The following AP4E1 variants were observed in gnomAD, a reference collection of about 807,000 sequenced individuals.
The protein encoded by AP4E1 is AP-4 complex subunit epsilon-1.
AP4E1 carries 56 observed loss-of-function variants against 128.2 expected under a neutral mutation model. The observed-to-expected ratio is 0.44, with a 90% CI of 0.35 to 0.55. The LOEUF is 0.55. Ranked by LOEUF, AP4E1 falls within the 20% of genes least tolerant of loss-of-function variation. AP4E1 has a pLI of 0.00. For missense variants in AP4E1, 1,324 were observed against 1,307.7 expected (o/e 1.01, Z -0.19); for synonymous variants, 484 against 473.1 (o/e 1.02, Z -0.30).
Position 50,997,781 on chromosome 15 carries a change from T to C in AP4E1, c.2802T>C (p.Ile934=). The C allele has an allele frequency of 6.2e-7, 1 of 1,610,142 alleles. No individual in the cohort carries two copies. Among genetic ancestry groups the C allele is most frequent in the African/African-American group, 1.3e-5 (1 of 74,804 alleles). ...CTATATCAGTGTCTTCTTATAAAATTTGGAAAGATGATTGTTTATTGATGG... is the reference window on the plus strand; with the variant it reads ...CTATATCAGTGTCTTCTTATAAAATCTGGAAAGATGATTGTTTATTGATGG... ...NETISVSSYK[I]WKDDCLLMVW... is the part of the protein sequence containing the mutation. The change falls in exon 18 of 21, where the codon ATT becomes ATC. Residue 934 remains isoleucine (I), a synonymous_variant. Transcript: ENST00000261842.
At chr15:50,948,243 C>A in intron 11 of AP4E1, 84 bp downstream of exon 11, 1 of 1,514,230 alleles carries the variant, frequency 6.6e-7, no homozygotes, top group Non-Finnish European at 9.1e-7. Flanking sequence ...TGGTCACTTG[C>A]AAGTCGAGTT....
At chr15:50,935,900 T>C (rs1355005713) in intron 8 of AP4E1, among the ~76,000 whole-genome samples, 1 of 152,222 alleles carries the variant, frequency 6.6e-6, no homozygotes, top group East Asian at 1.9e-4. Flanking sequence ...CTTTGAAGGA[T>C]AGATTTTTGT....
At chr15:50,941,940 A>G (rs1183401351) in intron 10 of AP4E1, among the ~76,000 whole-genome samples, 165 bp downstream of exon 10, 3 of 152,148 alleles carry the variant, frequency 2.0e-5, no homozygotes, top group Non-Finnish European at 4.4e-5. Context: ...ATTTTGAGAC[A>G]GAATCTCACT....
chr15:50,966,998 C>T (rs1487118219), intron 14 of AP4E1, among the ~76,000 whole-genome samples: 1 of 152,186 alleles, frequency 6.6e-6, no homozygotes, highest in East Asian at 1.9e-4. Flanking sequence ...CTGCTCTCTC[C>T]ACTTGTTTAT....
At chr15:50,929,200 GT>G in intron 6 of AP4E1, 32 bp downstream of exon 6, 1 of 1,594,968 alleles carries the variant, frequency 6.3e-7, no homozygotes, top group Non-Finnish European at 8.6e-7. Flanking sequence ...GTACTGAGTA[GT>G]TACCATTAGA....
chr15:50,996,154 A>AT (rs2064870374), intron 17 of AP4E1, among the ~76,000 whole-genome samples: 1 of 110,866 alleles, frequency 9.0e-6, no homozygotes, highest in Non-Finnish European at 1.9e-5. Flanking sequence ...ACGCCTGGCT[A>AT]ATTTTTTTTT....
At chr15:50,984,804 C>G (rs368571351) in intron 16 of AP4E1, among the ~76,000 whole-genome samples, 8 of 149,512 alleles carry the variant, frequency 5.4e-5, no homozygotes, top group South Asian at 2.1e-4. Flanking sequence ...ATGATTTATA[C>G]TCCTTTGGGT....
Position 50,929,090 on chromosome 15 carries a change from T to G in AP4E1, c.624T>G (p.Ile208Met), listed in dbSNP as rs1934098667. 6.2e-7 allele frequency: 1 copy of G among 1,613,930 alleles called. No homozygotes were observed. Among genetic ancestry groups the G allele is most frequent in the African/African-American group, 1.3e-5 (1 of 75,050 alleles). Reference sequence around the variant, plus strand: ...CTAATCAAGTACAACATATTCATATTAAGTTTCGGAAAGCACTTTGTGACA... The same window carrying G: ...CTAATCAAGTACAACATATTCATATGAAGTTTCGGAAAGCACTTTGTGACA... ...IAPNQVQHIH[I>M]KFRKALCDRD... Residue 208 changes from isoleucine to methionine, a missense_variant, in exon 6 of 21, where the codon ATT (isoleucine) becomes ATG (methionine). Transcript: ENST00000261842.
chr15:50,965,150 A>AT (rs886770841), intron 14 of AP4E1, among the ~76,000 whole-genome samples: 13 of 149,878 alleles, frequency 8.7e-5, no homozygotes, highest in East Asian at 2.0e-4. Context: ...AATGAAACCT[A>AT]TTTTTTTTTT....
chr15:50,923,708 C>T (rs1757754015), intron 3 of AP4E1, among the ~76,000 whole-genome samples: 1 of 152,058 alleles, frequency 6.6e-6, no homozygotes, highest in African/African-American at 2.4e-5. Context: ...GTGTCTATTC[C>T]GTTTCTGGAA....
chr15:50,985,988 G>A (rs1207590379), intron 16 of AP4E1, among the ~76,000 whole-genome samples: 2 of 152,072 alleles, frequency 1.3e-5, no homozygotes, highest in Non-Finnish European at 2.9e-5. Context: ...TTATTTCTTT[G>A]AGCAGTGGTT....
intron 19 of AP4E1, 90 bp downstream of exon 19, chr15:50,999,352 C>A: frequency 1.7e-6 from 2 of 1,142,906 alleles, no homozygotes; most frequent in Non-Finnish European, 2.5e-6. Flanking sequence ...ATGTTGGGTG[C>A]TAGGGAGTAT....
At chr15:50,915,681 A>G (rs1199515242) in intron 3 of AP4E1, 110 bp downstream of exon 3, 2 of 1,307,144 alleles carry the variant, frequency 1.5e-6, no homozygotes, top group Non-Finnish European at 2.2e-6. Context: ...ATACTGTATT[A>G]TAATTTCTAA....
chr15:50,993,802 C>G (rs1187039032), intron 17 of AP4E1, among the ~76,000 whole-genome samples, 177 bp downstream of exon 17: 2 of 152,186 alleles, frequency 1.3e-5, no homozygotes, highest in Non-Finnish European at 2.9e-5. Context: ...TTTTATATTC[C>G]TGAAAGAGAA....
rs1489154597 is a variant in AP4E1, at chr15:50,908,697, C to G, written c.-82C>G. On this transcript the variant is annotated 5_prime_UTR_variant, in exon 1 of 21. Coordinates refer to ENST00000261842, the MANE Select transcript of AP4E1 (RefSeq NM_007347.5). Reference sequence around the variant, plus strand: ...AAAAAACAGGAAGTGCCTACGGAGGCCGGGCCGGCAGCGGCGGCCGGGCAT... The same window carrying G: ...AAAAAACAGGAAGTGCCTACGGAGGGCGGGCCGGCAGCGGCGGCCGGGCAT... 1 of 1,379,198 alleles carries G rather than the reference C, an allele frequency of 7.3e-7. No homozygotes were observed. The highest frequency in any genetic ancestry group is 3.8e-5 in the Admixed American group (1 of 26,040). The allele number at this position is 1,379,198 out of a possible 1,614,324, so 85.4% of individuals were successfully genotyped here.
chr15:50,928,447 C>T (rs904529376), intron 5 of AP4E1, among the ~76,000 whole-genome samples: 2 of 152,062 alleles, frequency 1.3e-5, no homozygotes, highest in African/African-American at 4.8e-5. Context: ...ACCACCACAC[C>T]TGGCTAATTT....
In AP4E1 at chr15:50,997,872, G is replaced by T; in HGVS notation, c.2893G>T (p.Glu965Ter). ...TGCTGACTTAGAAATTTTTCCTGCA[G>T]AAAATTTCAAGGTAAAATTTAAAGG... ...KSADLEIFPA[E>*]NFKVTEQPGC... The change falls in exon 18 of 21, where the codon GAA (glutamate) becomes TAA (stop). Residue 965 changes from glutamate to a stop codon, truncating the protein, a stop_gained. Transcript: ENST00000261842. LOFTEE classifies it high-confidence loss of function. 1 of 1,597,530 alleles carries T rather than the reference G, an allele frequency of 6.3e-7. No homozygotes were observed.
intron 15 of AP4E1, among the ~76,000 whole-genome samples, 161 bp downstream of exon 15, chr15:50,968,538 G>GA (rs965487879): frequency 1.6e-4 from 24 of 147,488 alleles, no homozygotes; most frequent in East Asian, 1.2e-3. Context: ...ATATCCAGAG[G>GA]AAAAAAAAAA....
intron 8 of AP4E1, among the ~76,000 whole-genome samples, chr15:50,939,882 G>C (rs2141172578): frequency 6.6e-6 from 1 of 152,316 alleles, no homozygotes; most frequent in Non-Finnish European, 1.5e-5. Flanking sequence ...AACTTTTTCT[G>C]AAAAGAGGGC....
Sources: allele counts gnomAD v4.1 joint callset (sites outside exome capture counted in the v4.1 genomes callset), GRCh38; gene constraint gnomAD v4.1.1; transcripts MANE v1.5; gene names NCBI Gene and HGNC (gene_info 2026-07-23, HGNC 2026-07-21).